The following LIN7A variants were observed in gnomAD, a reference collection of about 807,000 sequenced individuals.
LIN7A encodes the protein protein lin-7 homolog A.
In LIN7A, 25 loss-of-function variants were observed where a neutral mutation model predicts 29.8. The observed-to-expected ratio is 0.84, with a 90% CI of 0.61 to 1.17. The LOEUF is 1.17. Among genes scored for constraint, LIN7A ranks in the 50% most tolerant of loss-of-function variants. The pLI is 0.00. For synonymous variants in LIN7A, 118 were observed against 107.5 expected (o/e 1.10, Z -0.60); for missense variants, 239 against 287.0 (o/e 0.83, Z 1.21).
chr12:80,799,860 A>G (rs1003019101), intron 5 of LIN7A, among the ~76,000 whole-genome samples: 2 of 152,198 alleles, frequency 1.3e-5, no homozygotes, highest in Non-Finnish European at 2.9e-5. Flanking sequence ...AAAATGATCA[A>G]TAAAAACCAA....
intron 5 of LIN7A, among the ~76,000 whole-genome samples, chr12:80,803,923 G>A (rs530270118): frequency 3.9e-5 from 6 of 152,300 alleles, no homozygotes; most frequent in Admixed American, 1.3e-4. Flanking sequence ...GTCAGGAAAA[G>A]TAAGGGTGGC....
At chr12:80,866,255 G>A (rs924875139) in intron 2 of LIN7A, among the ~76,000 whole-genome samples, 1 of 152,142 alleles carries the variant, frequency 6.6e-6, no homozygotes, top group Admixed American at 6.5e-5. Context: ...AAGGAAATAA[G>A]CAGTGAGACT....
At position 80,811,693 on chromosome 12, in the gene LIN7A, C is replaced by T. The variant is rs1194147628; in HGVS notation, c.484-10G>A. 8.8e-6 allele frequency: 14 copies of T among 1,595,566 alleles called. No individual in the cohort carries two copies. Among genetic ancestry groups the T allele is most frequent in the African/African-American group, 1.3e-5 (1 of 74,628 alleles). ...GTTCTCCTTCCACACTCTGAAAATA[C>T]AATGACACTTCTTAAAGGGAGGAGG... is the stretch of plus-strand genomic sequence containing the variant. On this transcript the variant is annotated splice_polypyrimidine_tract_variant and intron_variant, in intron 4 of 5. Coordinates refer to ENST00000552864, the MANE Select transcript of LIN7A (RefSeq NM_004664.4).
At chr12:80,799,146 G>A (rs1274385886) in intron 5 of LIN7A, among the ~76,000 whole-genome samples, 1 of 152,196 alleles carries the variant, frequency 6.6e-6, no homozygotes, top group Non-Finnish European at 1.5e-5. Flanking sequence ...ATCCAGGGCA[G>A]GAGTCAGCCT....
At chr12:80,841,286 G>GAGAA (rs1251747703) in intron 4 of LIN7A, among the ~76,000 whole-genome samples, 2 of 149,560 alleles carry the variant, frequency 1.3e-5, no homozygotes, top group East Asian at 3.9e-4. Flanking sequence ...GTGAGACCAT[G>GAGAA]AGAAAGAAAG....
chr12:80,891,485 T>C (rs1017345632), intron 1 of LIN7A, among the ~76,000 whole-genome samples: 1 of 152,190 alleles, frequency 6.6e-6, no homozygotes, highest in Non-Finnish European at 1.5e-5. Context: ...CACACCTATG[T>C]TTTGGCACAT....
At chr12:80,902,343 T>G (rs1876265114) in intron 1 of LIN7A, among the ~76,000 whole-genome samples, 1 of 152,052 alleles carries the variant, frequency 6.6e-6, no homozygotes, top group Non-Finnish European at 1.5e-5. Context: ...TTTGGCTATT[T>G]GGGCTCTTTT....
intron 5 of LIN7A, among the ~76,000 whole-genome samples, chr12:80,798,965 G>A (rs542371023): frequency 4.6e-5 from 7 of 152,186 alleles, no homozygotes; most frequent in Non-Finnish European, 8.8e-5. Flanking sequence ...ACTCCTGACC[G>A]CAGGTAATCT....
chr12:80,802,548 A>G (rs1233805254), intron 5 of LIN7A, among the ~76,000 whole-genome samples: 1 of 151,776 alleles, frequency 6.6e-6, no homozygotes, highest in Non-Finnish European at 1.5e-5. Context: ...CCTCCATATT[A>G]TTTTCCAAAA....
intron 2 of LIN7A, among the ~76,000 whole-genome samples, chr12:80,868,688 G>A (rs1295969804): frequency 6.6e-6 from 1 of 152,186 alleles, no homozygotes; most frequent in African/African-American, 2.4e-5. Flanking sequence ...TCAGGTCAAA[G>A]TTTTCAGGAA....
At chr12:80,895,256 G>C (rs528804073) in intron 1 of LIN7A, among the ~76,000 whole-genome samples, 1 of 152,082 alleles carries the variant, frequency 6.6e-6, no homozygotes, top group Non-Finnish European at 1.5e-5. Flanking sequence ...CTTCAAAATA[G>C]CTGGAACATT....
intron 1 of LIN7A, among the ~76,000 whole-genome samples, chr12:80,912,112 T>G (rs1227143338): frequency 6.6e-6 from 1 of 152,128 alleles, no homozygotes; most frequent in Non-Finnish European, 1.5e-5. Flanking sequence ...ACAATGCAAA[T>G]GAAACAGGAA....
intron 4 of LIN7A, among the ~76,000 whole-genome samples, chr12:80,823,392 T>A (rs1392929625): frequency 6.6e-6 from 1 of 152,174 alleles, no homozygotes; most frequent in African/African-American, 2.4e-5. Context: ...ACCACTGCAG[T>A]CCCTGGTGCC....
At chr12:80,833,553 A>G (rs1342335855) in intron 4 of LIN7A, among the ~76,000 whole-genome samples, 2 of 152,138 alleles carry the variant, frequency 1.3e-5, no homozygotes, top group African/African-American at 4.8e-5. Context: ...ACCTATAAAA[A>G]TTCATGTCAT....
Position 80,792,816 on chromosome 12 carries a change from G to C in LIN7A, c.*4911C>G, listed in dbSNP as rs1291941636. 6.6e-6 allele frequency: 1 copy of C among 152,118 alleles called. No individual in the cohort carries two copies. The highest frequency in any genetic ancestry group is 2.4e-5 in the African/African-American group (1 of 41,440). The allele number at this position is 152,118 out of a possible 1,614,324, so 9.4% of individuals were successfully genotyped here. On this transcript the variant is annotated 3_prime_UTR_variant, in exon 6 of 6. Transcript: ENST00000552864. The stretch of plus-strand genomic sequence containing the variant: ...GGCTAACAAGAAATAAATCTGAAAA[G>C]TCACTGAAATATTTATCACATGTCA...
In LIN7A at chr12:80,845,712, G is replaced by C; in HGVS notation, c.483+18C>G. 1 of 1,591,700 alleles carries C rather than the reference G, an allele frequency of 6.3e-7. No individual in the cohort carries two copies. The highest frequency in any genetic ancestry group is 2.3e-5 in the East Asian group (1 of 44,408). ...AATGTGCTTAAGGAGAAAATCTCTG[G>C]TTATTTTATAAACATACCACTCCGT... On this transcript the variant is annotated intron_variant, in intron 4 of 5. Coordinates refer to ENST00000552864, the MANE Select transcript of LIN7A (RefSeq NM_004664.4).
intron 5 of LIN7A, among the ~76,000 whole-genome samples, chr12:80,797,935 G>T (rs569834716): frequency 6.6e-6 from 1 of 152,302 alleles, no homozygotes; most frequent in East Asian, 1.9e-4. Flanking sequence ...AAAAGCCACA[G>T]TTGTTCCCTA....
chr12:80,882,927 A>C (rs557254357), intron 2 of LIN7A, among the ~76,000 whole-genome samples: 2 of 152,300 alleles, frequency 1.3e-5, no homozygotes, highest in East Asian at 3.9e-4. Context: ...ACTAGATTAC[A>C]AAATGATGTG....
chr12:80,934,501 G>A (rs958747054), intron 1 of LIN7A, among the ~76,000 whole-genome samples: 1 of 152,154 alleles, frequency 6.6e-6, no homozygotes, highest in Non-Finnish European at 1.5e-5. Context: ...ACTTCCCAGA[G>A]CAGACCCAGG....
Sources: allele counts gnomAD v4.1 joint callset (sites outside exome capture counted in the v4.1 genomes callset), GRCh38; gene constraint gnomAD v4.1.1; transcripts MANE v1.5; gene names NCBI Gene and HGNC (gene_info 2026-07-23, HGNC 2026-07-21).